The following ADAM32 variants were observed in gnomAD, a reference collection of about 807,000 sequenced individuals.
ADAM32 encodes disintegrin and metalloproteinase domain-containing protein 32.
A neutral mutation model predicts 114.9 loss-of-function variants in ADAM32; 89 were observed. The ratio of observed to expected loss-of-function variants is 0.77; its 90% CI spans 0.65 to 0.92. The LOEUF (loss-of-function observed/expected upper bound fraction) is 0.92. Among genes scored for constraint, ADAM32 ranks in the 40% least tolerant of loss-of-function variants. The pLI is 0.00. For synonymous variants in ADAM32, 285 were observed against 307.5 expected, an observed-to-expected ratio of 0.93 and a Z score of 0.77; for missense variants, 870 against 932.8, an observed-to-expected ratio of 0.93 and a Z score of 0.88.
chr8:39,204,638 A>G (rs149354210), intron 11 of ADAM32, among the ~76,000 whole-genome samples: 4,179 of 152,328 alleles, frequency 0.027, 216 homozygotes, highest in African/African-American at 0.095. Context: ...CATCAAAGTC[A>G]TTCTCCATAC....
intron 16 of ADAM32, 110 bp from the exon 17 acceptor site, chr8:39,245,973 T>C: frequency 1.1e-6 from 1 of 874,234 alleles, no homozygotes; most frequent in Non-Finnish European, 1.8e-6. Context: ...TAGAGGAAAA[T>C]TTGTATCATT....
At chr8:39,174,103 G>A (rs1805364944) in intron 10 of ADAM32, among the ~76,000 whole-genome samples, 1 of 152,208 alleles carries the variant, frequency 6.6e-6, no homozygotes, top group South Asian at 2.1e-4. Flanking sequence ...GGGGTTACAG[G>A]CGTGAGCCAC....
intron 24 of ADAM32, among the ~76,000 whole-genome samples, chr8:39,284,402 T>TACACACACAC (rs1813651903): frequency 7.3e-6 from 1 of 137,882 alleles, no homozygotes; most frequent in African/African-American, 3.4e-5. Context: ...CACACACACG[T>TACACACACAC]ACACACACAT....
intron 17 of ADAM32, among the ~76,000 whole-genome samples, chr8:39,249,033 G>A (rs1406579899): frequency 6.6e-6 from 1 of 151,636 alleles, no homozygotes; most frequent in East Asian, 1.9e-4. Context: ...CTCCCGAGTA[G>A]GTGGGACTAC....
intron 9 of ADAM32, 153 bp from the exon 10 acceptor site, chr8:39,169,763 C>T: frequency 2.0e-6 from 1 of 512,348 alleles, no homozygotes; most frequent in Non-Finnish European, 3.4e-6. Flanking sequence ...AATAATATTC[C>T]AAATTTGAAA....
In ADAM32 at chr8:39,123,552, G is replaced by T. The variant is rs114793015; in HGVS notation, c.138+5387G>T. 1.7e-3 allele frequency among the ~76,000 whole-genome samples: 253 copies of T among 152,058 alleles called. 1 individual carries two copies. Among genetic ancestry groups the T allele is most frequent in the African/African-American group, 5.7e-3 (236 of 41,482 alleles). On this transcript the variant is annotated intron_variant, in intron 2 of 24. Transcript: ENST00000379907. ...TCATTTTTACAAGAAAAACTGCTTG[G>T]ATTTTGATAGAGATTACATTTAATA...
At chr8:39,131,191 C>T (rs554836666) in intron 2 of ADAM32, among the ~76,000 whole-genome samples, 24 of 152,026 alleles carry the variant, frequency 1.6e-4, no homozygotes, top group Non-Finnish European at 2.5e-4. Context: ...CTCCTGACCT[C>T]GTGATCTGCC....
chr8:39,246,175 C>G lies in ADAM32; in HGVS notation c.1902+9C>G. 1 of 1,604,598 alleles carries G rather than the reference C, an allele frequency of 6.2e-7. No individual in the cohort carries two copies. Among genetic ancestry groups the G allele is most frequent in the Non-Finnish European group, 8.5e-7 (1 of 1,175,048 alleles). On this transcript the variant is annotated intron_variant, in intron 17 of 24. Coordinates refer to ENST00000379907, the MANE Select transcript of ADAM32 (RefSeq NM_145004.7). ...AGTGTTCTGGACATGGAGTAAGTAA[C>G]CACATGTTTCCCTGAATCACATTTC...
intron 1 of ADAM32, 121 bp downstream of exon 1, chr8:39,107,954 C>A: frequency 1.5e-6 from 2 of 1,326,446 alleles, no homozygotes; most frequent in Non-Finnish European, 2.0e-6. Flanking sequence ...GGCAACGGGG[C>A]CTTTTCCAGG....
At chr8:39,227,434 G>A (rs1269748538) in intron 14 of ADAM32, among the ~76,000 whole-genome samples, 1 of 152,172 alleles carries the variant, frequency 6.6e-6, no homozygotes, top group Non-Finnish European at 1.5e-5. Context: ...ACGGCCAGAG[G>A]AGCATGGGGT....
At chr8:39,127,159 G>A (rs1273162376) in intron 2 of ADAM32, among the ~76,000 whole-genome samples, 3 of 152,106 alleles carry the variant, frequency 2.0e-5, no homozygotes, top group African/African-American at 4.8e-5. Context: ...GTCAGGTTTT[G>A]GTATCAGGAT....
intron 3 of ADAM32, among the ~76,000 whole-genome samples, chr8:39,144,274 G>T (rs1019481444): frequency 1.3e-5 from 2 of 152,230 alleles, no homozygotes; most frequent in Non-Finnish European, 2.9e-5. Flanking sequence ...TACCTCAGTT[G>T]GAAATGCAGA....
At chr8:39,132,510 C>A (rs1324867361) in intron 2 of ADAM32, among the ~76,000 whole-genome samples, 1 of 152,176 alleles carries the variant, frequency 6.6e-6, no homozygotes, top group East Asian at 1.9e-4. Context: ...AACTATATAT[C>A]ATCATAATTA....
intron 11 of ADAM32, among the ~76,000 whole-genome samples, chr8:39,209,592 T>C (rs1335243827): frequency 6.6e-6 from 1 of 152,232 alleles, no homozygotes; most frequent in Non-Finnish European, 1.5e-5. Flanking sequence ...CAGTCTGGCC[T>C]TGTTTGTATT....
At chr8:39,246,444 T>A (rs559329703) in intron 17 of ADAM32, among the ~76,000 whole-genome samples, 2 of 152,336 alleles carry the variant, frequency 1.3e-5, no homozygotes, top group South Asian at 4.1e-4. Flanking sequence ...AACCTGGTTC[T>A]CAAAGGAAAG....
chr8:39,136,795 G>C lies in ADAM32; in HGVS notation c.200+77G>C, dbSNP rs1588496168. 48 of 950,580 alleles carry C rather than the reference G, an allele frequency of 5.0e-5. 1 individual carries two copies. In the South Asian group the frequency reaches 8.5e-4, roughly 17 times the overall value. The allele number at this position is 950,580 out of a possible 1,614,324, so 58.9% of individuals were successfully genotyped here. On this transcript the variant is annotated intron_variant, in intron 3 of 24. Coordinates refer to ENST00000379907, the MANE Select transcript of ADAM32 (RefSeq NM_145004.7). ...TTACTTGCAATAGAAAATGGAGTAT[G>C]AGAAAAATACATGGAATTATTAACT...
chr8:39,235,926 A>C (rs1417907582), intron 16 of ADAM32, among the ~76,000 whole-genome samples: 1 of 152,200 alleles, frequency 6.6e-6, no homozygotes. Flanking sequence ...TTAATGTTTA[A>C]CAGGAAATGA....
intron 1 of ADAM32, among the ~76,000 whole-genome samples, chr8:39,116,066 A>T (rs1294352252): frequency 6.6e-6 from 1 of 152,006 alleles, no homozygotes; most frequent in Non-Finnish European, 1.5e-5. Flanking sequence ...TTTATTTCTG[A>T]GTTTTCTAAC....
At chr8:39,206,965 C>A (rs1230716114) in intron 11 of ADAM32, among the ~76,000 whole-genome samples, 2 of 151,964 alleles carry the variant, frequency 1.3e-5, no homozygotes, top group African/African-American at 4.8e-5. Context: ...GTCTGTGGAA[C>A]AATACCAACT....
Sources: gnomAD v4.1 joint callset for allele counts (sites outside exome capture counted in the v4.1 genomes callset) on GRCh38, gnomAD v4.1.1 for gene constraint, MANE v1.5 for transcripts, NCBI Gene and HGNC (gene_info 2026-07-23, HGNC 2026-07-21) for gene names.